PIP5K1B: variants seen among roughly 807,000 people sequenced by gnomAD.
PIP5K1B encodes phosphatidylinositol-4-phosphate 5-kinase type 1 beta, also known as phosphatidylinositol 4-phosphate 5-kinase type-1 beta.
A neutral mutation model predicts 67.0 loss-of-function variants in PIP5K1B; 42 were observed. That is an observed-to-expected ratio of 0.63 (90% confidence interval 0.49 to 0.81). PIP5K1B has a LOEUF of 0.81. PIP5K1B is among the 30% of genes least tolerant of loss of function. The pLI is 0.00. For missense variants in PIP5K1B, 459 were observed against 646.3 expected, an observed-to-expected ratio of 0.71 and a Z score of 3.14; for synonymous variants, 214 against 231.4, an observed-to-expected ratio of 0.92 and a Z score of 0.68.
chr9:68,972,044 G>T (rs1042479821), intron 14 of PIP5K1B, among the ~76,000 whole-genome samples: 1 of 152,106 alleles, frequency 6.6e-6, no homozygotes, highest in Admixed American at 6.5e-5. Flanking sequence ...TGGTGTTTTA[G>T]TCATTAAGTC....
intron 15 of PIP5K1B, among the ~76,000 whole-genome samples, chr9:69,005,161 A>T (rs907736257): frequency 2.0e-5 from 3 of 152,092 alleles, no homozygotes; most frequent in Admixed American, 2.0e-4. Context: ...CATGCAAAGG[A>T]CATTTTATGA....
At chr9:68,724,156 C>A (rs576955510) in intron 1 of PIP5K1B, among the ~76,000 whole-genome samples, 1 of 151,582 alleles carries the variant, frequency 6.6e-6, no homozygotes, top group East Asian at 1.9e-4. Flanking sequence ...GTTCTTGGTG[C>A]CTTTGTTGAA....
chr9:68,744,527 C>T (rs1829180312), intron 2 of PIP5K1B, among the ~76,000 whole-genome samples: 1 of 152,240 alleles, frequency 6.6e-6, no homozygotes, highest in East Asian at 1.9e-4. Flanking sequence ...ATATTTATAA[C>T]TGCTCCCCTT....
intron 8 of PIP5K1B, among the ~76,000 whole-genome samples, chr9:68,913,767 C>T (rs549981587): frequency 7.2e-5 from 11 of 152,218 alleles, no homozygotes; most frequent in African/African-American, 2.2e-4. Context: ...CAGCACCCTT[C>T]CCAGATGCTG....
intron 4 of PIP5K1B, among the ~76,000 whole-genome samples, chr9:68,846,727 T>G (rs1230997197): frequency 2.6e-5 from 4 of 152,224 alleles, no homozygotes; most frequent in African/African-American, 9.6e-5. Flanking sequence ...GCTTTTCTAT[T>G]TCGTAAATGT....
intron 8 of PIP5K1B, among the ~76,000 whole-genome samples, chr9:68,905,198 T>C (rs1419904427): frequency 2.0e-5 from 3 of 151,888 alleles, no homozygotes; most frequent in African/African-American, 7.3e-5. Flanking sequence ...GGGAAGGAAA[T>C]GCCCCCAAGG....
At chr9:68,963,856 T>C (rs1828882515) in intron 14 of PIP5K1B, among the ~76,000 whole-genome samples, 1 of 152,226 alleles carries the variant, frequency 6.6e-6, no homozygotes, top group Admixed American at 6.5e-5. Flanking sequence ...GGTGCTTTCT[T>C]CCTGCTCTGA....
intron 2 of PIP5K1B, among the ~76,000 whole-genome samples, chr9:68,759,559 A>C (rs1454735879): frequency 6.6e-6 from 1 of 152,136 alleles, no homozygotes; most frequent in Non-Finnish European, 1.5e-5. Context: ...AACAGAAAAC[A>C]AGTAATAAAA....
chr9:68,754,188 G>C (rs1168461759), intron 2 of PIP5K1B, among the ~76,000 whole-genome samples: 2 of 13,606 alleles, frequency 1.5e-4, no homozygotes, highest in Non-Finnish European at 2.7e-4. Context: ...TTTTTTTTTT[G>C]AGACAGAGTC....
intron 8 of PIP5K1B, among the ~76,000 whole-genome samples, chr9:68,907,296 C>T (rs1166901341): frequency 6.6e-6 from 1 of 152,188 alleles, no homozygotes; most frequent in East Asian, 1.9e-4. Flanking sequence ...AACATTGCCA[C>T]AGGCCTCTCC....
At chr9:68,733,958 A>T (rs1468946979) in intron 1 of PIP5K1B, among the ~76,000 whole-genome samples, 1 of 152,094 alleles carries the variant, frequency 6.6e-6, no homozygotes, top group East Asian at 1.9e-4. Flanking sequence ...TCTTTAAAGG[A>T]TCATTTAACT....
At chr9:68,777,111 TA>T (rs1830955002) in intron 2 of PIP5K1B, among the ~76,000 whole-genome samples, 1 of 152,148 alleles carries the variant, frequency 6.6e-6, no homozygotes, top group African/African-American at 2.4e-5. Flanking sequence ...TCCTGATCTT[TA>T]AAAAATATAT....
intron 2 of PIP5K1B, among the ~76,000 whole-genome samples, chr9:68,806,457 G>C (rs998156894): frequency 2.0e-5 from 3 of 152,066 alleles, no homozygotes; most frequent in African/African-American, 7.2e-5. Context: ...TCTGGTTTTC[G>C]CTTCCCATTT....
chr9:68,889,220 C>T (rs939136854), intron 7 of PIP5K1B, 87 bp downstream of exon 7: 3 of 947,016 alleles, frequency 3.2e-6, no homozygotes, highest in Admixed American at 4.2e-5. Flanking sequence ...TTCAGTGACT[C>T]AGGCATGTTT....
At chr9:68,909,315 C>T (rs1375274973) in intron 8 of PIP5K1B, among the ~76,000 whole-genome samples, 1 of 151,244 alleles carries the variant, frequency 6.6e-6, no homozygotes, top group Non-Finnish European at 1.5e-5. Flanking sequence ...TTAACTGCCT[C>T]TCTTCCCATA....
intron 15 of PIP5K1B, 136 bp downstream of exon 15, chr9:68,991,393 G>A: frequency 1.6e-6 from 1 of 608,174 alleles, no homozygotes; most frequent in South Asian, 2.0e-5. Flanking sequence ...TTTCACTTCT[G>A]CAAATGGTGC....
At chr9:68,891,765 A>G (rs1824803110) in intron 7 of PIP5K1B, among the ~76,000 whole-genome samples, 1 of 152,240 alleles carries the variant, frequency 6.6e-6, no homozygotes, top group Non-Finnish European at 1.5e-5. Context: ...ATATGACTCC[A>G]GCAGATTTGC....
At chr9:68,757,538 A>G (rs2132376163) in intron 2 of PIP5K1B, among the ~76,000 whole-genome samples, 1 of 152,252 alleles carries the variant, frequency 6.6e-6, no homozygotes, top group South Asian at 2.1e-4. Flanking sequence ...AAGAGTCGGT[A>G]GTGGAGGATG....
intron 7 of PIP5K1B, among the ~76,000 whole-genome samples, chr9:68,891,488 G>A (rs1007935811): frequency 9.3e-5 from 14 of 150,778 alleles, no homozygotes; most frequent in African/African-American, 3.2e-4. Flanking sequence ...GATTATACAA[G>A]TTGTACATTT....
Sources: gnomAD v4.1 joint callset for allele counts (sites outside exome capture counted in the v4.1 genomes callset) on GRCh38, gnomAD v4.1.1 for gene constraint, MANE v1.5 for transcripts, NCBI Gene and HGNC (gene_info 2026-07-23, HGNC 2026-07-21) for gene names.